DGKB: variants seen among roughly 807,000 people sequenced by gnomAD.
The protein encoded by DGKB is diacylglycerol kinase beta.
A neutral mutation model predicts 114.3 loss-of-function variants in DGKB; 67 were observed. The ratio of observed to expected loss-of-function variants is 0.59; its 90% CI spans 0.48 to 0.72. DGKB has a LOEUF of 0.72. Among genes scored for constraint, DGKB ranks in the 30% least tolerant of loss-of-function variants. DGKB has a pLI of 0.00. For synonymous variants in DGKB, 398 were observed against 323.1 expected, an observed-to-expected ratio of 1.23 and a Z score of -2.49; for missense variants, 907 against 975.2, an observed-to-expected ratio of 0.93 and a Z score of 0.93.
At chr7:14,418,392 T>TGTGTGTATATATATATACACAC (rs1554421159) in intron 21 of DGKB, among the ~76,000 whole-genome samples, 1 of 137,076 alleles carries the variant, frequency 7.3e-6, no homozygotes, top group African/African-American at 2.8e-5. Flanking sequence ...TATATATATA[T>TGTGTGTATATATATATACACAC]ACACACACAC....
intron 2 of DGKB, among the ~76,000 whole-genome samples, chr7:14,836,430 A>C (rs73680340): frequency 6.6e-6 from 1 of 152,336 alleles, no homozygotes; most frequent in East Asian, 1.9e-4. Flanking sequence ...GCTAACCCTA[A>C]GTGACAATAC....
At chr7:14,830,279 G>C (rs975576016) in intron 2 of DGKB, among the ~76,000 whole-genome samples, 1 of 151,930 alleles carries the variant, frequency 6.6e-6, no homozygotes, top group Non-Finnish European at 1.5e-5. Context: ...TCTGTTCCAT[G>C]GATGCTGTGG....
intron 21 of DGKB, among the ~76,000 whole-genome samples, chr7:14,387,394 A>G (rs1340436586): frequency 1.5e-5 from 2 of 135,160 alleles, no homozygotes; most frequent in Admixed American, 1.6e-4. Context: ...GCCTTGTGAC[A>G]GAGTGAGACT....
At chr7:14,971,675 T>C (rs1008098061) in intron 1 of DGKB, among the ~76,000 whole-genome samples, 5 of 151,980 alleles carry the variant, frequency 3.3e-5, no homozygotes, top group South Asian at 2.1e-4. Context: ...GTGGAAAAAT[T>C]CCTGGATAGA....
intron 2 of DGKB, among the ~76,000 whole-genome samples, chr7:14,795,424 T>C (rs1428432715): frequency 1.3e-5 from 2 of 152,292 alleles, no homozygotes; most frequent in African/African-American, 2.4e-5. Flanking sequence ...GGCTTAGGGA[T>C]ATATTGTAAT....
chr7:14,611,400 G>A lies in DGKB; in HGVS notation c.1358+1940C>T, dbSNP rs374963862. 9.2e-5 allele frequency among the ~76,000 whole-genome samples: 14 copies of A among 152,206 alleles called. No homozygotes were observed. The East Asian group carries it at 2.5e-3, about 27-fold the overall frequency. The stretch of plus-strand genomic sequence containing the variant: ...TATTGATTGATATGGAAAAGTTTAT[G>A]TGGATTTATGATTCTGTGACCTTTT... On this transcript the variant is annotated intron_variant, in intron 16 of 25. Coordinates refer to ENST00000402815, the MANE Select transcript of DGKB (RefSeq NM_001350709.2).
chr7:14,639,533 C>T (rs1811348825), intron 13 of DGKB, among the ~76,000 whole-genome samples: 1 of 152,162 alleles, frequency 6.6e-6, no homozygotes, highest in Non-Finnish European at 1.5e-5. Context: ...TAACCTTTAT[C>T]CACAGAAATA....
At position 14,432,812 on chromosome 7, in the gene DGKB, C is replaced by T. The variant is rs114247714; in HGVS notation, c.1835+45349G>A. Among the ~76,000 whole-genome samples the T allele has an allele frequency of 8.6e-3, 1,310 of 152,144 alleles. 20 individuals carry two copies. Among genetic ancestry groups the T allele is most frequent in the African/African-American group, 0.029 (1,216 of 41,532 alleles). ...CCTCATTTCATGCTTCTCTCTCTTT[C>T]CCTTGTCTTTCTTTCCGCTATTTAA... On this transcript the variant is annotated intron_variant, in intron 21 of 25. Transcript: ENST00000402815.
intron 20 of DGKB, among the ~76,000 whole-genome samples, chr7:14,570,441 G>T (rs1022383634): frequency 6.6e-6 from 1 of 151,868 alleles, no homozygotes; most frequent in Non-Finnish European, 1.5e-5. Context: ...GACCACTCTT[G>T]CAGACAAAAA....
chr7:14,451,556 T>TCC (rs1365062140), intron 21 of DGKB, among the ~76,000 whole-genome samples: 1 of 151,698 alleles, frequency 6.6e-6, no homozygotes, highest in Non-Finnish European at 1.5e-5. Context: ...TCTCTCTCTC[T>TCC]CTCTCTCTCT....
At chr7:14,760,592 C>G (rs1459526354) in intron 2 of DGKB, among the ~76,000 whole-genome samples, 1 of 152,038 alleles carries the variant, frequency 6.6e-6, no homozygotes, top group African/African-American at 2.4e-5. Flanking sequence ...GCAACCCATA[C>G]TGTGCAGACC....
chr7:14,947,742 C>G (rs1379032450), intron 1 of DGKB, among the ~76,000 whole-genome samples: 1 of 151,488 alleles, frequency 6.6e-6, no homozygotes, highest in Non-Finnish European at 1.5e-5. Flanking sequence ...GGTATATACT[C>G]AGTTCCCCAG....
At chr7:14,871,849 A>C (rs1852507450) in intron 1 of DGKB, among the ~76,000 whole-genome samples, 1 of 152,188 alleles carries the variant, frequency 6.6e-6, no homozygotes. Flanking sequence ...GTGGATTATA[A>C]TTAAAATGAA....
chr7:14,697,780 A>AAGAAAGAAAG (rs1563943585), intron 8 of DGKB, among the ~76,000 whole-genome samples: 100 of 136,672 alleles, frequency 7.3e-4, no homozygotes, highest in African/African-American at 2.6e-3. Context: ...AACAAAGAGA[A>AAGAAAGAAAG]AGAAAGAAAG....
rs984974525 is a variant in DGKB at position 14,147,931 on chromosome 7, G to A, written c.*1200C>T. 6.6e-6 allele frequency: 1 copy of A among 152,140 alleles called. No homozygotes were observed. The highest frequency in any genetic ancestry group is 1.5e-5 in the Non-Finnish European group (1 of 68,016). The allele number at this position is 152,140 out of a possible 1,614,324, so 9.4% of individuals were successfully genotyped here. On this transcript the variant is annotated 3_prime_UTR_variant, in exon 26 of 26. Coordinates refer to ENST00000402815, the MANE Select transcript of DGKB (RefSeq NM_001350709.2). Reference sequence around the variant, plus strand: ...AACATTTGAAATGTCATAAAGATGGGAGTGGAGTAGGTGAGGAGGAGGGAG... The same window carrying A: ...AACATTTGAAATGTCATAAAGATGGAAGTGGAGTAGGTGAGGAGGAGGGAG...
intron 13 of DGKB, among the ~76,000 whole-genome samples, chr7:14,643,836 G>A (rs980876321): frequency 2.6e-5 from 4 of 152,290 alleles, no homozygotes; most frequent in African/African-American, 9.6e-5. Flanking sequence ...CCATCCAGGA[G>A]CCCGAGGCCA....
intron 4 of DGKB, chr7:14,750,249 C>T: frequency 2.1e-6 from 1 of 473,872 alleles, no homozygotes; most frequent in African/African-American, 2.0e-5. Flanking sequence ...AATATTAACA[C>T]ATGGTATAAG....
chr7:14,256,320 G>GTATT (rs1373509218), intron 23 of DGKB, among the ~76,000 whole-genome samples: 2 of 151,648 alleles, frequency 1.3e-5, no homozygotes, highest in Non-Finnish European at 2.9e-5. Flanking sequence ...TCTAGTACTT[G>GTATT]TATTATAGTC....
At chr7:14,404,788 T>TTGAGCATGAGGAGGA (rs1823673778) in intron 21 of DGKB, among the ~76,000 whole-genome samples, 1 of 151,804 alleles carries the variant, frequency 6.6e-6, no homozygotes, top group Non-Finnish European at 1.5e-5. Flanking sequence ...GAATTGCTCC[T>TTGAGCATGAGGAGGA]CCTGCTCATG....
Sources: allele counts gnomAD v4.1 joint callset (sites outside exome capture counted in the v4.1 genomes callset), GRCh38; gene constraint gnomAD v4.1.1; transcripts MANE v1.5; gene names NCBI Gene and HGNC (gene_info 2026-07-23, HGNC 2026-07-21).